The following MYEF2 variants were observed in gnomAD, a reference collection of about 807,000 sequenced individuals.
The protein encoded by MYEF2 is myelin gene expression factor 2.
In MYEF2, 37 loss-of-function variants were observed where a neutral mutation model predicts 75.2. The ratio of observed to expected loss-of-function variants is 0.49; its 90% CI spans 0.38 to 0.65. MYEF2 has a LOEUF of 0.65. Among genes scored for constraint, MYEF2 ranks in the 30% least tolerant of loss-of-function variants. The pLI is 0.00. For synonymous variants in MYEF2, 195 were observed against 241.6 expected (o/e 0.81, Z 1.79); for missense variants, 634 against 771.4 (o/e 0.82, Z 2.11).
chr15:48,155,339 ATAT>A (rs1286216655), intron 9 of MYEF2, among the ~76,000 whole-genome samples: 66 of 152,284 alleles, frequency 4.3e-4, no homozygotes, highest in African/African-American at 1.5e-3. Flanking sequence ...CACTAGGAAA[ATAT>A]ATCAATTCTA....
intron 5 of MYEF2, among the ~76,000 whole-genome samples, chr15:48,160,431 G>T (rs2039892830): frequency 6.7e-6 from 1 of 150,292 alleles, no homozygotes; most frequent in African/African-American, 2.5e-5. Flanking sequence ...TTGTTTTTTT[G>T]TTAGGTTCAT....
At chr15:48,151,431 T>C (rs765163429) in intron 13 of MYEF2, 42 bp downstream of exon 13, 46 of 1,549,654 alleles carry the variant, frequency 3.0e-5, no homozygotes, top group Non-Finnish European at 3.9e-5. Flanking sequence ...TCAAAAATTA[T>C]AGCCTACAAA....
chr15:48,145,383 G>A (rs183132261), intron 16 of MYEF2, among the ~76,000 whole-genome samples: 1 of 151,938 alleles, frequency 6.6e-6, no homozygotes, highest in Admixed American at 6.6e-5. Flanking sequence ...AAACCTGCCT[G>A]ACTTTTTACA....
intron 16 of MYEF2, among the ~76,000 whole-genome samples, chr15:48,147,733 G>GA (rs2039343549): frequency 6.6e-6 from 1 of 151,936 alleles, no homozygotes; most frequent in African/African-American, 2.4e-5. Flanking sequence ...GGATGATCAA[G>GA]AAAGAGAGTC....
chr15:48,171,926 G>A lies in MYEF2; in HGVS notation c.162-3087C>T, dbSNP rs114649214. On this transcript the variant is annotated intron_variant, in intron 1 of 16. Coordinates refer to ENST00000324324, the MANE Select transcript of MYEF2 (RefSeq NM_016132.5). ...ATCTATTCTTAAAATTGAACTATGC[G>A]TATCTAAATTATAACATACATTTCT... Among the ~76,000 whole-genome samples the A allele has an allele frequency of 4.0e-4, 61 of 152,106 alleles. No individual in the cohort carries two copies. In the East Asian group the frequency reaches 7.9e-3, roughly 20 times the overall value.
chr15:48,159,705 G>C lies in MYEF2; in HGVS notation c.625C>G (p.Pro209Ala), dbSNP rs1295611165. Residue 209 changes from proline to alanine, a missense_variant, in exon 6 of 17, where the codon CCA (proline) becomes GCA (alanine). By Grantham distance (27) the Pro-to-Ala change is conservative. Coordinates refer to ENST00000324324, the MANE Select transcript of MYEF2 (RefSeq NM_016132.5). The part of the protein sequence containing the change: ...PDMGSGLMNL[P>A]PSILNNPNIP... The stretch of plus-strand genomic sequence containing the variant: ...TTTGGATTATTGAGTATGGAAGGTG[G>C]TAAATTCATCAACCCTGATCCCATA... The C allele has an allele frequency of 1.2e-6, 2 of 1,613,510 alleles. No homozygotes were observed. The highest frequency in any genetic ancestry group is 2.7e-5 in the African/African-American group (2 of 74,842).
chr15:48,170,451 C>T (rs917823368), intron 1 of MYEF2, among the ~76,000 whole-genome samples: 1 of 152,100 alleles, frequency 6.6e-6, no homozygotes, highest in African/African-American at 2.4e-5. Context: ...TAAATAAGTG[C>T]TCTAGTCAAT....
Position 48,141,800 on chromosome 15 carries a change from C to A in MYEF2, c.*1108G>T. 1 of 306,948 alleles carries A rather than the reference C, an allele frequency of 3.3e-6. No homozygotes were observed. The highest frequency in any genetic ancestry group is 5.9e-6 in the Non-Finnish European group (1 of 168,782). 19.0% of individuals were successfully genotyped at this position (306,948 alleles called of 1,614,324 possible). A position where few individuals can be genotyped will look rare whatever the true frequency, so the allele number is the denominator to read the frequency against. ...GAAAAGCAACAAATAAGCTATATAC[C>A]TTATTGAAAAATGGTTTAATAAATA... On this transcript the variant is annotated 3_prime_UTR_variant, in exon 17 of 17. Coordinates refer to ENST00000324324, the MANE Select transcript of MYEF2 (RefSeq NM_016132.5).
At chr15:48,146,659 T>C (rs1483242050) in intron 16 of MYEF2, among the ~76,000 whole-genome samples, 1 of 151,996 alleles carries the variant, frequency 6.6e-6, no homozygotes, top group Admixed American at 6.6e-5. Context: ...GGAGTACTAC[T>C]AGATTCTTAC....
chr15:48,151,597 C>A (rs1307986897), intron 12 of MYEF2, 26 bp from the exon 13 acceptor site: 1 of 1,572,496 alleles, frequency 6.4e-7, no homozygotes, highest in Admixed American at 1.8e-5. Context: ...AACAAATTAA[C>A]CTTTTCAAAT....
chr15:48,151,639 G>A, intron 12 of MYEF2, 68 bp from the exon 13 acceptor site: 1 of 1,424,526 alleles, frequency 7.0e-7, no homozygotes, highest in Non-Finnish European at 9.7e-7. Flanking sequence ...ATTCAGGAAT[G>A]TATCTAAATT....
Position 48,149,202 on chromosome 15 carries a change from C to T in MYEF2, c.1548G>A (p.Glu516=). The change falls in exon 15 of 17, where the codon GAG becomes GAA. Residue 516 remains glutamate, a synonymous_variant. Transcript: ENST00000324324. This position sits in a 1 kb window ranked among gnomAD's most constrained non-coding sequence, Gnocchi z 4.0. ...TCTGGTTGCCTTTGGAGCCTATTCT[C>T]TCTCTCATTCCGCTTCCCATTGGAC... is the stretch of plus-strand genomic sequence containing the variant. ...LSGPMGSGMR[E]RIGSKGNQIF... 1 of 1,613,408 alleles carries T rather than the reference C, an allele frequency of 6.2e-7. No individual in the cohort carries two copies. Among genetic ancestry groups the T allele is most frequent in the South Asian group, 1.1e-5 (1 of 91,072 alleles).
chr15:48,149,592 TTA>T lies in MYEF2; in HGVS notation c.1379-223_1379-222del, dbSNP rs1238833111. The T allele has an allele frequency of 1.3e-4, 45 of 340,072 alleles. No individual in the cohort carries two copies. The highest frequency in any genetic ancestry group is 2.3e-4 in the Non-Finnish European group (44 of 192,400). 21.1% of individuals were successfully genotyped at this position (340,072 alleles called of 1,614,324 possible). ...GAACAGAATTTGCTTACATATACAT[TTA>T]GTTAGCTGAGAAATTCTAGCCACTG... On this transcript the variant is annotated intron_variant, in intron 14 of 16. Transcript: ENST00000324324. The surrounding 1 kb of genome is among the most constrained non-coding windows in gnomAD (Gnocchi z 4.0).
In MYEF2 at chr15:48,158,762, A is replaced by G; in HGVS notation, c.871+7T>C. The G allele has an allele frequency of 6.2e-7, 1 of 1,613,230 alleles. No homozygotes were observed. The highest frequency in any genetic ancestry group is 8.5e-7 in the Non-Finnish European group (1 of 1,179,468). ...CATAAACAATGCTGAAATGTAAATC[A>G]GGATACAAATTGCTTGAACTGCTTC... On this transcript the variant is annotated splice_region_variant and intron_variant, in intron 7 of 16. Coordinates refer to ENST00000324324, the MANE Select transcript of MYEF2 (RefSeq NM_016132.5).
chr15:48,151,514 A>G lies in MYEF2; in HGVS notation c.1265T>C (p.Ile422Thr), dbSNP rs1288200368. 7 of 1,613,224 alleles carry G rather than the reference A, an allele frequency of 4.3e-6. No homozygotes were observed. Among genetic ancestry groups the G allele is most frequent in the Admixed American group, 1.7e-5 (1 of 59,944 alleles). ...ATCTCCAAAGCCTCGATTTATTCCA[A>G]TATCACCACGTCCAAAATCTCGCTC... ...SMERDFGRGD[I>T]GINRGFGDSF... Residue 422 changes from isoleucine to threonine, a missense_variant, in exon 13 of 17, where the codon ATT becomes ACT. Transcript: ENST00000324324.
chr15:48,177,762 T>C (rs1361067578), intron 1 of MYEF2, among the ~76,000 whole-genome samples: 1 of 152,212 alleles, frequency 6.6e-6, no homozygotes, highest in East Asian at 1.9e-4. Context: ...TGGCGGTCGC[T>C]GAGCTTTGCT....
chr15:48,150,009 T>A (rs2039432881), intron 14 of MYEF2: 1 of 152,112 alleles, frequency 6.6e-6, no homozygotes, highest in Non-Finnish European at 1.5e-5. Context: ...AAAAATGCTA[T>A]CACTTCCCGT....
At chr15:48,163,391 G>C (rs1293989921) in intron 5 of MYEF2, among the ~76,000 whole-genome samples, 1 of 152,304 alleles carries the variant, frequency 6.6e-6, no homozygotes, top group East Asian at 1.9e-4. Flanking sequence ...TTCTATGAAG[G>C]CTGAGAGAGG....
At chr15:48,158,428 T>C (rs905619977) in intron 7 of MYEF2, among the ~76,000 whole-genome samples, 1 of 152,214 alleles carries the variant, frequency 6.6e-6, no homozygotes, top group African/African-American at 2.4e-5. Flanking sequence ...AGATGTATTT[T>C]TAATTCAACC....
Sources: allele counts gnomAD v4.1 joint callset (sites outside exome capture counted in the v4.1 genomes callset), GRCh38; gene constraint gnomAD v4.1.1; non-coding constraint Gnocchi (gnomAD v3.1); transcripts MANE v1.5; gene names NCBI Gene and HGNC (gene_info 2026-07-23, HGNC 2026-07-21).